Variants in STPG2 observed in about 807,000 individuals in gnomAD.
STPG2 encodes the protein sperm tail PG-rich repeat containing 2, also known as sperm-tail PG-rich repeat-containing protein 2.
In STPG2, 56 loss-of-function variants were observed where a neutral mutation model predicts 54.2. The observed-to-expected ratio is 1.03, with a 90% CI of 0.83 to 1.29. STPG2 has a LOEUF of 1.29. STPG2 is among the 50% of genes most tolerant of loss of function. The probability of loss-of-function intolerance (pLI) is 0.00; values close to 1 mark genes in which losing one functional copy is unlikely to be tolerated. For missense variants in STPG2, 596 were observed against 544.9 expected (o/e 1.09, Z -0.93); for synonymous variants, 200 against 181.8 (o/e 1.10, Z -0.81).
intron 10 of STPG2, among the ~76,000 whole-genome samples, chr4:97,583,156 A>C (rs1038786100): frequency 2.6e-5 from 4 of 151,978 alleles, no homozygotes; most frequent in African/African-American, 9.7e-5. Context: ...ACTTATAGGA[A>C]ATTTCTAACC....
chr4:97,907,896 A>G (rs80251413), intron 8 of STPG2, among the ~76,000 whole-genome samples: 2 of 152,204 alleles, frequency 1.3e-5, no homozygotes, highest in Non-Finnish European at 1.5e-5. Flanking sequence ...TAAACGTTAG[A>G]CCTAAAACCA....
At chr4:97,974,189 T>C (rs1351823182) in intron 6 of STPG2, among the ~76,000 whole-genome samples, 1 of 152,210 alleles carries the variant, frequency 6.6e-6, no homozygotes, top group Non-Finnish European at 1.5e-5. Context: ...ACTGCCCCAC[T>C]GGATTTCAGA....
intron 5 of STPG2, among the ~76,000 whole-genome samples, chr4:98,051,019 A>G (rs953776160): frequency 6.6e-6 from 1 of 151,686 alleles, no homozygotes; most frequent in Non-Finnish European, 1.5e-5. Flanking sequence ...AAAAGAAAAA[A>G]AAAAAGGAAA....
chr4:97,708,527 A>T (rs1458332951), intron 10 of STPG2, among the ~76,000 whole-genome samples: 7 of 151,848 alleles, frequency 4.6e-5, no homozygotes, highest in Non-Finnish European at 1.0e-4. Context: ...GATTCTAAGA[A>T]TTTTTCCTTA....
chr4:97,477,163 A>G (rs934674585), intron 4 of STPG2, among the ~76,000 whole-genome samples: 1 of 152,172 alleles, frequency 6.6e-6, no homozygotes, highest in African/African-American at 2.4e-5. Context: ...CCCTCAGTAA[A>G]TATTAACTTT....
intron 9 of STPG2, among the ~76,000 whole-genome samples, chr4:97,769,665 G>T (rs1726164678): frequency 6.6e-6 from 1 of 151,224 alleles, no homozygotes; most frequent in Non-Finnish European, 1.5e-5. Context: ...TATATATATA[G>T]AAAACACAAG....
At chr4:97,550,466 G>T (rs993870968) in intron 4 of STPG2, among the ~76,000 whole-genome samples, 1 of 151,990 alleles carries the variant, frequency 6.6e-6, no homozygotes, top group Non-Finnish European at 1.5e-5. Flanking sequence ...GGGGAAGAGT[G>T]GTTTGGGCTT....
chr4:97,612,642 C>G (rs1170409483), intron 10 of STPG2, among the ~76,000 whole-genome samples: 2 of 151,984 alleles, frequency 1.3e-5, no homozygotes, highest in Admixed American at 1.3e-4. Flanking sequence ...GTCTCACTTA[C>G]AAAGGAGGCT....
At chr4:97,690,845 C>G (rs1361861121) in intron 10 of STPG2, among the ~76,000 whole-genome samples, 1 of 152,026 alleles carries the variant, frequency 6.6e-6, no homozygotes, top group Non-Finnish European at 1.5e-5. Flanking sequence ...AGTAGAAGAA[C>G]ATATTATTTT....
At chr4:97,956,518 GA>G (rs1396522586) in intron 7 of STPG2, among the ~76,000 whole-genome samples, 1 of 152,074 alleles carries the variant, frequency 6.6e-6, no homozygotes, top group African/African-American at 2.4e-5. Context: ...AATAAATCAA[GA>G]AAGCTGAGAG....
intron 9 of STPG2, among the ~76,000 whole-genome samples, chr4:97,790,294 T>C (rs926161613): frequency 6.6e-6 from 1 of 152,166 alleles, no homozygotes; most frequent in African/African-American, 2.4e-5. Context: ...AATAAAATAT[T>C]GCCAATTGTG....
intron 9 of STPG2, among the ~76,000 whole-genome samples, chr4:97,790,085 G>A (rs1192145174): frequency 6.6e-6 from 1 of 152,106 alleles, no homozygotes; most frequent in Non-Finnish European, 1.5e-5. Context: ...TTGCATTTAT[G>A]TCTCTATTTG....
At chr4:97,746,150 A>G (rs1725415141) in intron 9 of STPG2, among the ~76,000 whole-genome samples, 1 of 151,326 alleles carries the variant, frequency 6.6e-6, no homozygotes, top group African/African-American at 2.4e-5. Flanking sequence ...ACACAGATTC[A>G]TAAGAATTAC....
At chr4:97,585,185 G>T (rs1732967111) in intron 10 of STPG2, among the ~76,000 whole-genome samples, 1 of 146,268 alleles carries the variant, frequency 6.8e-6, no homozygotes. Flanking sequence ...TGATCCAGTA[G>T]ATTTCTACCA....
chr4:97,769,769 T>A (rs1339528943), intron 9 of STPG2, among the ~76,000 whole-genome samples: 3 of 152,082 alleles, frequency 2.0e-5, no homozygotes, highest in Admixed American at 6.6e-5. Context: ...AATTTATGAA[T>A]ACGTACATAT....
At chr4:97,989,248 G>T (rs1272519935) in intron 5 of STPG2, among the ~76,000 whole-genome samples, 1 of 152,096 alleles carries the variant, frequency 6.6e-6, no homozygotes, top group Non-Finnish European at 1.5e-5. Flanking sequence ...TGCAAAATAT[G>T]CAATAAATAT....
intron 10 of STPG2, among the ~76,000 whole-genome samples, chr4:97,593,096 C>A (rs1026324236): frequency 1.3e-5 from 2 of 152,146 alleles, no homozygotes; most frequent in Non-Finnish European, 2.9e-5. Flanking sequence ...GGGTCCCAGC[C>A]TGGCCACACC....
At chr4:97,451,854 G>C (rs1343002858) in intron 4 of STPG2, among the ~76,000 whole-genome samples, 1 of 152,126 alleles carries the variant, frequency 6.6e-6, no homozygotes, top group Non-Finnish European at 1.5e-5. Flanking sequence ...TATGCAATTA[G>C]AGAAAATCAT....
chr4:97,564,083 T>G (rs1197259795), intron 10 of STPG2, among the ~76,000 whole-genome samples: 1 of 152,174 alleles, frequency 6.6e-6, no homozygotes, highest in African/African-American at 2.4e-5. Flanking sequence ...TCATTGTAGG[T>G]CACTGAGGAC....
Sources: allele counts gnomAD v4.1 joint callset (sites outside exome capture counted in the v4.1 genomes callset), GRCh38; gene constraint gnomAD v4.1.1; transcripts MANE v1.5; gene names NCBI Gene and HGNC (gene_info 2026-07-23, HGNC 2026-07-21).